TMTC4: variants seen among roughly 807,000 people sequenced by gnomAD.
The protein encoded by TMTC4 is transmembrane O-mannosyltransferase targeting cadherins 4.
A neutral mutation model predicts 86.0 loss-of-function variants in TMTC4; 65 were observed. The observed-to-expected ratio is 0.76, with a 90% confidence interval of 0.62 to 0.93. TMTC4 has a LOEUF of 0.93. TMTC4 is among the 40% of genes least tolerant of loss of function. The pLI is 0.00. For missense variants in TMTC4, 866 were observed against 948.1 expected (o/e 0.91, Z 1.14); for synonymous variants, 379 against 382.5 (o/e 0.99, Z 0.11).
chr13:100,663,101 C>A lies in TMTC4; in HGVS notation c.415G>T (p.Val139Phe). 6.2e-7 allele frequency: 1 copy of A among 1,614,204 alleles called. No homozygotes were observed. Residue 139 changes from valine to phenylalanine, a missense_variant, in exon 5 of 19, where the codon GTC becomes TTC. Transcript: ENST00000342624. ...VNILLHSGIS[V>F]LMVDVFSVLF... ...ACCGAGAAGACGTCCACCATGAGGA[C>A]AGAGATGCCACTGTGCAGGAGGATG...
chr13:100,660,624 G>A (rs1317583239), intron 5 of TMTC4, among the ~76,000 whole-genome samples: 1 of 151,720 alleles, frequency 6.6e-6, no homozygotes, highest in Non-Finnish European at 1.5e-5. Flanking sequence ...CATTTCCTTG[G>A]GTGTTCCACT....
intron 3 of TMTC4, among the ~76,000 whole-genome samples, chr13:100,665,751 A>C (rs933178060): frequency 5.3e-5 from 8 of 152,246 alleles, no homozygotes; most frequent in African/African-American, 1.9e-4. Context: ...CTGCGACTTA[A>C]GTGCTTGCTG....
chr13:100,660,673 T>C (rs1206930348), intron 5 of TMTC4, among the ~76,000 whole-genome samples: 23 of 151,078 alleles, frequency 1.5e-4, no homozygotes, highest in Non-Finnish European at 1.5e-4. Context: ...TTTTTTTTTT[T>C]GACAGAGTCT....
At chr13:100,623,641 TTTTG>T (rs1214647749) in intron 15 of TMTC4, among the ~76,000 whole-genome samples, 3 of 48,786 alleles carry the variant, frequency 6.1e-5, no homozygotes, top group East Asian at 1.4e-3. Context: ...ACTAGTTGGG[TTTTG>T]TTTTTTTTTT....
At chr13:100,636,483 G>C (rs752770386) in intron 10 of TMTC4, 49 bp downstream of exon 10, 2 of 1,603,282 alleles carry the variant, frequency 1.2e-6, no homozygotes. Context: ...TTCACAAAAC[G>C]CTTCTGACTC....
At chr13:100,615,328 G>T (rs555706947) in intron 15 of TMTC4, among the ~76,000 whole-genome samples, 1 of 151,892 alleles carries the variant, frequency 6.6e-6, no homozygotes, top group Non-Finnish European at 1.5e-5. Context: ...GAGTAGAGAC[G>T]GGGTTTCACC....
intron 17 of TMTC4, among the ~76,000 whole-genome samples, chr13:100,609,710 T>C (rs1877264294): frequency 6.6e-6 from 1 of 151,578 alleles, no homozygotes; most frequent in Non-Finnish European, 1.5e-5. Flanking sequence ...CACCCATACA[T>C]ATATACATAT....
intron 5 of TMTC4, among the ~76,000 whole-genome samples, chr13:100,661,166 C>T (rs1205692723): frequency 6.6e-6 from 1 of 152,126 alleles, no homozygotes; most frequent in African/African-American, 2.4e-5. Context: ...TTTTCAAATG[C>T]TCCCTTTTCT....
At chr13:100,612,112 A>G (rs1877684076) in intron 17 of TMTC4, among the ~76,000 whole-genome samples, 2 of 152,242 alleles carry the variant, frequency 1.3e-5, no homozygotes, top group African/African-American at 4.8e-5. Flanking sequence ...TCTGAGGCCA[A>G]ACATTCCACA....
Position 100,668,713 on chromosome 13 carries a change from G to C in TMTC4, c.85C>G (p.His29Asp). 1 of 1,614,254 alleles carries C rather than the reference G, an allele frequency of 6.2e-7. No homozygotes were observed. The highest frequency in any genetic ancestry group is 8.5e-7 in the Non-Finnish European group (1 of 1,180,050). The change falls in exon 3 of 19, where the codon CAC (histidine) becomes GAC (aspartate). Residue 29 changes from histidine (H) to aspartate (D), a missense_variant. His to Asp is a moderately conservative substitution (Grantham distance 81, BLOSUM62 -1). Transcript: ENST00000342624. ...GGAAGAACAGAAGATGGAAGAATGT[G>C]ATCCAAATCAGTGTCCAACACGGCC... ...RMAVLDTDLD[H>D]ILPSSVLPPF... is the part of the protein sequence containing the mutation.
At chr13:100,625,268 G>A in intron 15 of TMTC4, 1 of 465,082 alleles carries the variant, frequency 2.2e-6, no homozygotes, top group Non-Finnish European at 3.9e-6. Context: ...GGGCGGACGG[G>A]ACTTTAACAT....
intron 7 of TMTC4, among the ~76,000 whole-genome samples, chr13:100,639,325 T>G (rs965920622): frequency 6.6e-6 from 1 of 152,320 alleles, no homozygotes; most frequent in South Asian, 2.1e-4. Context: ...GAATTCTGAT[T>G]TTATTCACCC....
chr13:100,674,544 CAG>C, intron 1 of TMTC4, 198 bp downstream of exon 1: 1 of 982,144 alleles, frequency 1.0e-6, no homozygotes, highest in East Asian at 1.2e-4. Flanking sequence ...GCGGCTCACA[CAG>C]GGGCCCGCGT....
chr13:100,668,080 C>T lies in TMTC4; in HGVS notation c.219+499G>A, dbSNP rs531972752. 2.0e-5 allele frequency among the ~76,000 whole-genome samples: 3 copies of T among 152,310 alleles called. No individual in the cohort carries two copies. In the East Asian group the frequency reaches 5.8e-4, roughly 29 times the overall value. Reference sequence around the variant, plus strand: ...GCCCATGGGCAGCACATTCCTCCTGCCCCAGCAGCTGTCAGCAGGCTGTCC... The same window carrying T: ...GCCCATGGGCAGCACATTCCTCCTGTCCCAGCAGCTGTCAGCAGGCTGTCC... On this transcript the variant is annotated intron_variant, in intron 3 of 18. Coordinates refer to ENST00000342624, the MANE Select transcript of TMTC4 (RefSeq NM_032813.5).
intron 7 of TMTC4, 70 bp downstream of exon 7, chr13:100,642,141 C>T: frequency 6.5e-7 from 1 of 1,534,574 alleles, no homozygotes; most frequent in Non-Finnish European, 9.0e-7. Flanking sequence ...CAGGGCCAGC[C>T]CCAGATGTCT....
In TMTC4 at chr13:100,646,860, CG is replaced by C. The variant is rs199777030; in HGVS notation, c.641-4550del. 9.8e-3 allele frequency among the ~76,000 whole-genome samples: 1,499 copies of C among 152,232 alleles called. 17 individuals carry two copies. The highest frequency in any genetic ancestry group is 0.034 in the African/African-American group (1,424 of 41,530). ...ACATAATTCCAATTTGAGCACTTAA[CG>C]TATTTATTGTTTCATGTGGGCATTT... is the stretch of plus-strand genomic sequence containing the variant. On this transcript the variant is annotated intron_variant, in intron 6 of 18. Coordinates refer to ENST00000342624, the MANE Select transcript of TMTC4 (RefSeq NM_032813.5).
Position 100,673,400 on chromosome 13 carries a change from C to T in TMTC4, c.-208+1344G>A, listed in dbSNP as rs1173119304. The T allele has an allele frequency of 3.1e-6, 3 of 975,876 alleles. No homozygotes were observed. The East Asian group carries it at 3.4e-4, about 111-fold the overall frequency. The allele number at this position is 975,876 out of a possible 1,614,324, so 60.5% of individuals were successfully genotyped here. A position where few individuals can be genotyped will look rare whatever the true frequency, so the allele number is the denominator to read the frequency against. On this transcript the variant is annotated intron_variant, in intron 1 of 18. Coordinates refer to ENST00000342624, the MANE Select transcript of TMTC4 (RefSeq NM_032813.5). ...CATCCAGGGGCCTGCTGACCTCTGC[C>T]CAGCCTTTCTACCTCATCTGTAACA... is the stretch of plus-strand genomic sequence containing the variant.
At chr13:100,665,108 ATAT>A (rs1886240013) in intron 3 of TMTC4, among the ~76,000 whole-genome samples, 1 of 152,202 alleles carries the variant, frequency 6.6e-6, no homozygotes, top group Admixed American at 6.5e-5. Context: ...AAGTCACTAA[ATAT>A]TAAAAAAAAC....
In TMTC4 at chr13:100,604,996, A is replaced by G; in HGVS notation, c.2281T>C (p.Ter761ArgextTer19). ...CTCAAAACATGAAGGAAACAGGATC[A>G]GACAGCTTTCTTTTGCATTAGTTCT... ...KLELMQKKAV[*>R] Residue 761 changes from the stop codon to arginine, a stop_lost, in exon 19 of 19, where the codon TGA becomes CGA. Coordinates refer to ENST00000342624, the MANE Select transcript of TMTC4 (RefSeq NM_032813.5). 3 of 1,613,244 alleles carry G rather than the reference A, an allele frequency of 1.9e-6. No individual in the cohort carries two copies. Among genetic ancestry groups the G allele is most frequent in the Non-Finnish European group, 2.5e-6 (3 of 1,179,728 alleles).
Sources: gnomAD v4.1 joint callset for allele counts (sites outside exome capture counted in the v4.1 genomes callset) on GRCh38, gnomAD v4.1.1 for gene constraint, MANE v1.5 for transcripts, NCBI Gene and HGNC (gene_info 2026-07-23, HGNC 2026-07-21) for gene names.